Variants in RPS6KB2 observed in about 807,000 individuals in gnomAD.
RPS6KB2 encodes the protein ribosomal protein S6 kinase beta-2.
RPS6KB2 carries 51 observed loss-of-function variants against 58.2 expected under a neutral mutation model. That is an observed-to-expected ratio of 0.88 (90% CI 0.70 to 1.11). The LOEUF is 1.11. Ranked by LOEUF, RPS6KB2 falls within the 50% of genes least tolerant of loss-of-function variation. The pLI, the probability that RPS6KB2 is intolerant of heterozygous loss-of-function variation, is 0.00. For synonymous variants in RPS6KB2, 293 were observed against 258.6 expected (o/e 1.13, Z -1.28); for missense variants, 671 against 655.8 (o/e 1.02, Z -0.25).
In RPS6KB2 at chr11:67,435,201, G is replaced by A; in HGVS notation, c.*32G>A. Reference sequence around the variant, plus strand: ...GGGTGGGGGTGAGGGTAGCCCTTGAGCCCTGTCCCTGCGGCTGTGAGAGCA... The same window carrying A: ...GGGTGGGGGTGAGGGTAGCCCTTGAACCCTGTCCCTGCGGCTGTGAGAGCA... On this transcript the variant is annotated 3_prime_UTR_variant, in exon 15 of 15. Coordinates refer to ENST00000312629, the MANE Select transcript of RPS6KB2 (RefSeq NM_003952.3). The A allele has an allele frequency of 1.3e-6, 2 of 1,504,512 alleles. No homozygotes were observed. Among genetic ancestry groups the A allele is most frequent in the Non-Finnish European group, 8.9e-7 (1 of 1,127,880 alleles). The allele number at this position is 1,504,512 out of a possible 1,614,324, so 93.2% of individuals were successfully genotyped here.
Position 67,433,310 on chromosome 11 carries a change from A to G in RPS6KB2, c.799-30A>G, listed in dbSNP as rs1206210117. ...GGGCAGGGCCTGGTGGGAGGCCCACAAGGCTCCTCTCACCTTCCTCCTCCT... is the reference window on the plus strand; with the variant it reads ...GGGCAGGGCCTGGTGGGAGGCCCACGAGGCTCCTCTCACCTTCCTCCTCCT... On this transcript the variant is annotated intron_variant, in intron 9 of 14. Transcript: ENST00000312629. The G allele has an allele frequency of 2.5e-6, 4 of 1,601,304 alleles. No individual in the cohort carries two copies. In the South Asian group the frequency reaches 3.3e-5, roughly 13 times the overall value.
Position 67,434,271 on chromosome 11 carries a change from G to T in RPS6KB2, c.1043G>T (p.Cys348Phe). 6.2e-7 allele frequency: 1 copy of T among 1,613,492 alleles called. No homozygotes were observed. Among genetic ancestry groups the T allele is most frequent in the Middle Eastern group, 1.6e-4 (1 of 6,062 alleles). Residue 348 changes from cysteine to phenylalanine, a missense_variant, in exon 12 of 15, where the codon TGT becomes TTT. Physicochemically the swap from Cys to Phe is radical, Grantham distance 205 (BLOSUM62 -2). Coordinates refer to ENST00000312629, the MANE Select transcript of RPS6KB2 (RefSeq NM_003952.3). ...CGTGTGGACCCCCCTTTCAGGCCCT[G>T]TCTGGTGAGCAGCAGGGCTGGTGGC... is the stretch of plus-strand genomic sequence containing the variant. ...AWRVDPPFRP[C>F]LQSEEDVSQF...
rs754319576 is a variant in RPS6KB2 at position 67,434,684 on chromosome 11, G to C, written c.1258G>C (p.Ala420Pro). ...CAGGCGCCTCAACAGTAGCCCCCGG[G>C]CCCCCGTCAGGTACTGAGGGACGTG... ...SPRRLNSSPR[A>P]PVSPLKFSPF... The change falls in exon 14 of 15, where the codon GCC (alanine) becomes CCC (proline). Residue 420 changes from alanine to proline, a missense_variant. Physicochemically the swap from Ala to Pro is conservative, Grantham distance 27. Transcript: ENST00000312629. The C allele has an allele frequency of 6.2e-7, 1 of 1,606,664 alleles. No homozygotes were observed. Among genetic ancestry groups the C allele is most frequent in the Non-Finnish European group, 8.5e-7 (1 of 1,177,328 alleles).
Position 67,435,323 on chromosome 11 carries a change from C to A in RPS6KB2, c.*154C>A. On this transcript the variant is annotated 3_prime_UTR_variant, in exon 15 of 15. Transcript: ENST00000312629. ...TGTGTCTGCTGGGGCAGCTGTGCCC[C>A]TGAATCATGGGCACGGAGGGCCGCC... The A allele has an allele frequency of 2.6e-6, 2 of 778,052 alleles. No homozygotes were observed. Among genetic ancestry groups the A allele is most frequent in the Non-Finnish European group, 4.0e-6 (2 of 504,024 alleles). The allele number at this position is 778,052 out of a possible 1,614,324, so 48.2% of individuals were successfully genotyped here.
At chr11:67,431,918 G>T in intron 5 of RPS6KB2, 1 of 272,098 alleles carries the variant, frequency 3.7e-6, no homozygotes, top group South Asian at 3.8e-5. Flanking sequence ...GGGCCTGGTG[G>T]GGTGGCCAGA....
chr11:67,432,881 T>C (rs1157997476), intron 7 of RPS6KB2, 44 bp downstream of exon 7: 1 of 1,608,586 alleles, frequency 6.2e-7, no homozygotes, highest in African/African-American at 1.3e-5. Context: ...GTCTGCAATC[T>C]GTGGGGAGGG....
At position 67,433,434 on chromosome 11, in the gene RPS6KB2, A is replaced by C; in HGVS notation, c.893A>C (p.Asp298Ala). The C allele has an allele frequency of 4.3e-6, 7 of 1,612,520 alleles. No individual in the cohort carries two copies. The highest frequency in any genetic ancestry group is 5.1e-6 in the Non-Finnish European group (6 of 1,178,790). The change falls in exon 10 of 15, where the codon GAC becomes GCC. Residue 298 changes from aspartate (D) to alanine (A), a missense_variant. Asp to Ala is a moderately radical substitution (Grantham distance 126, BLOSUM62 -2). Transcript: ENST00000312629. ...CCCTACCTCACCCCAGATGCCCGGG[A>C]CCTTGTCAAAAAGGTGCAGCTCCCT... ...LPPYLTPDAR[D>A]LVKKFLKRNP...
chr11:67,434,540 G>T (rs763032348), intron 13 of RPS6KB2, 42 bp from the exon 14 acceptor site: 1 of 1,597,204 alleles, frequency 6.3e-7, no homozygotes, highest in Admixed American at 1.7e-5. Flanking sequence ...GACTAAGGAT[G>T]GCAGGCACTG....
chr11:67,434,779 G>T, intron 14 of RPS6KB2, 85 bp downstream of exon 14: 1 of 1,167,382 alleles, frequency 8.6e-7, no homozygotes, highest in Non-Finnish European at 1.2e-6. Context: ...CCTTGGCCAC[G>T]TCTGTCGGCC....
intron 14 of RPS6KB2, 81 bp downstream of exon 14, chr11:67,434,775 C>A: frequency 1.7e-6 from 2 of 1,191,522 alleles, no homozygotes; most frequent in Non-Finnish European, 2.4e-6. Context: ...GGTGCCTTGG[C>A]CACGTCTGTC....
Position 67,434,019 on chromosome 11 carries a change from C to G in RPS6KB2, c.931C>G (p.Arg311Gly), listed in dbSNP as rs200667089. ...KKFLKRNPSQRIGGGPGDAAD... is the reference protein window; with the variant it reads ...KKFLKRNPSQGIGGGPGDAAD... ...GTTTCTGAAACGGAATCCCAGCCAG[C>G]GGATTGGGGGTGGCCCAGGGGATGC... is the stretch of plus-strand genomic sequence containing the variant. Residue 311 changes from arginine (R) to glycine (G), a missense_variant, in exon 11 of 15, where the codon CGG (arginine) becomes GGG (glycine). Arg to Gly is a moderately radical substitution (Grantham distance 125). Coordinates refer to ENST00000312629, the MANE Select transcript of RPS6KB2 (RefSeq NM_003952.3). 7.4e-6 allele frequency: 12 copies of G among 1,614,122 alleles called. No homozygotes were observed. The highest frequency in any genetic ancestry group is 1.0e-5 in the Non-Finnish European group (12 of 1,180,030).
intron 4 of RPS6KB2, chr11:67,429,848 C>G (rs1863966687): frequency 2.5e-6 from 1 of 398,996 alleles, no homozygotes; most frequent in Non-Finnish European, 4.6e-6. Context: ...GAGTCTTGCT[C>G]TGTCACCCAG....
chr11:67,432,055 C>T, intron 5 of RPS6KB2: 1 of 330,570 alleles, frequency 3.0e-6, no homozygotes, highest in South Asian at 2.5e-5. Context: ...GGCTGGCTGC[C>T]CACATCAAGC....
In RPS6KB2 at chr11:67,428,497, C is replaced by A; in HGVS notation, c.-49C>A. The A allele has an allele frequency of 2.0e-6, 3 of 1,527,092 alleles. No homozygotes were observed. The highest frequency in any genetic ancestry group is 2.3e-5 in the South Asian group (2 of 86,900). 94.6% of individuals were successfully genotyped at this position (1,527,092 alleles called of 1,614,324 possible). A position where few individuals can be genotyped will look rare whatever the true frequency, so the allele number is the denominator to read the frequency against. On this transcript the variant is annotated 5_prime_UTR_variant, in exon 1 of 15. Transcript: ENST00000312629. ...GATGTTTAGGTCCGGGACTGTCAGT[C>A]AGTGCGCGGCCAGGTACGGGCCGAC...
rs754319576 is a variant in RPS6KB2, at chr11:67,434,684, G to A, written c.1258G>A (p.Ala420Thr). The A allele has an allele frequency of 1.2e-6, 2 of 1,606,802 alleles. No homozygotes were observed. Among genetic ancestry groups the A allele is most frequent in the Non-Finnish European group, 1.7e-6 (2 of 1,177,334 alleles). The change falls in exon 14 of 15, where the codon GCC becomes ACC. Residue 420 changes from alanine to threonine, a missense_variant. By Grantham distance (58) the Ala-to-Thr change is moderately conservative. Coordinates refer to ENST00000312629, the MANE Select transcript of RPS6KB2 (RefSeq NM_003952.3). ...SPRRLNSSPR[A>T]PVSPLKFSPF... ...CAGGCGCCTCAACAGTAGCCCCCGGGCCCCCGTCAGGTACTGAGGGACGTG... is the reference window on the plus strand; with the variant it reads ...CAGGCGCCTCAACAGTAGCCCCCGGACCCCCGTCAGGTACTGAGGGACGTG...
chr11:67,431,217 A>G (rs897654521), intron 4 of RPS6KB2, 151 bp from the exon 5 acceptor site: 6 of 628,032 alleles, frequency 9.6e-6, no homozygotes, highest in African/African-American at 1.9e-5. Flanking sequence ...TTTAGTAGAG[A>G]TGGGGTTTCA....
chr11:67,435,318 T>A lies in RPS6KB2; in HGVS notation c.*149T>A, dbSNP rs1214557579. 11 of 782,480 alleles carry A rather than the reference T, an allele frequency of 1.4e-5. No individual in the cohort carries two copies. In the African/African-American group the frequency reaches 1.9e-4, roughly 14 times the overall value. The allele number at this position is 782,480 out of a possible 1,614,324, so 48.5% of individuals were successfully genotyped here. On this transcript the variant is annotated 3_prime_UTR_variant, in exon 15 of 15. Transcript: ENST00000312629. ...AAGTGTGTGTCTGCTGGGGCAGCTG[T>A]GCCCCTGAATCATGGGCACGGAGGG...
Position 67,431,531 on chromosome 11 carries a change from C to G in RPS6KB2, c.457+16C>G. 1 of 1,611,552 alleles carries G rather than the reference C, an allele frequency of 6.2e-7. No homozygotes were observed. The highest frequency in any genetic ancestry group is 8.5e-7 in the Non-Finnish European group (1 of 1,178,380). Reference sequence around the variant, plus strand: ...TGCCTCAGTGGTATGAGTGCGGGCCCAGGCAGGGGTGCTGGGGGTCGCGGG... The same window carrying G: ...TGCCTCAGTGGTATGAGTGCGGGCCGAGGCAGGGGTGCTGGGGGTCGCGGG... On this transcript the variant is annotated intron_variant, in intron 5 of 14. Coordinates refer to ENST00000312629, the MANE Select transcript of RPS6KB2 (RefSeq NM_003952.3).
intron 7 of RPS6KB2, 41 bp from the exon 8 acceptor site, chr11:67,432,911 G>C (rs778642398): frequency 1.7e-5 from 27 of 1,609,940 alleles, no homozygotes; most frequent in Middle Eastern, 1.6e-4. Context: ...TCTGTGGGTG[G>C]GGTGGGGCCC....
Sources: gnomAD v4.1 joint callset for allele counts on GRCh38, gnomAD v4.1.1 for gene constraint, MANE v1.5 for transcripts, NCBI Gene and HGNC (gene_info 2026-07-23, HGNC 2026-07-21) for gene names.